The following QSOX2 variants were observed in gnomAD, a reference collection of about 807,000 sequenced individuals.
QSOX2 encodes the protein sulfhydryl oxidase 2.
QSOX2 carries 46 observed loss-of-function variants against 61.7 expected under a neutral mutation model. The observed-to-expected ratio is 0.75, with a 90% CI of 0.59 to 0.95. The LOEUF is 0.95. QSOX2 is among the 40% of genes least tolerant of loss of function. The pLI, the probability that QSOX2 is intolerant of heterozygous loss-of-function variation, is 0.00. For missense variants in QSOX2, 879 were observed against 918.9 expected, an observed-to-expected ratio of 0.96 and a Z score of 0.56; for synonymous variants, 383 against 388.4, an observed-to-expected ratio of 0.99 and a Z score of 0.16.
intron 8 of QSOX2, among the ~76,000 whole-genome samples, chr9:136,217,657 G>T (rs1320613606): frequency 6.6e-6 from 1 of 152,258 alleles, no homozygotes; most frequent in Non-Finnish European, 1.5e-5. Flanking sequence ...AGCCTAACTA[G>T]ACTAAGGGGA....
At chr9:136,226,748 C>T (rs748525279) in intron 2 of QSOX2, 26 bp downstream of exon 2, 37 of 1,581,218 alleles carry the variant, frequency 2.3e-5, no homozygotes, top group African/African-American at 1.1e-4. Flanking sequence ...TGAATTTCAA[C>T]GGACAAGCAG....
Position 136,220,751 on chromosome 9 carries a change from C to T in QSOX2, c.821+1045G>A, listed in dbSNP as rs181197691. Among the ~76,000 whole-genome samples, 23 of 152,242 alleles carry T rather than the reference C, an allele frequency of 1.5e-4. 1 individual carries two copies. The highest frequency in any genetic ancestry group is 1.4e-3 in the East Asian group (7 of 5,178). Reference sequence around the variant, plus strand: ...TTTGAGATGGAGTCTGACTCTGTCGCCCAGGCTGGAGTGCGGTGACAGGAT... The same window carrying T: ...TTTGAGATGGAGTCTGACTCTGTCGTCCAGGCTGGAGTGCGGTGACAGGAT... On this transcript the variant is annotated intron_variant, in intron 6 of 11. Coordinates refer to ENST00000358701, the MANE Select transcript of QSOX2 (RefSeq NM_181701.4).
In QSOX2 at chr9:136,209,446, C is replaced by T. The variant is rs911102593; in HGVS notation, c.1550-171G>A. 23 of 985,426 alleles carry T rather than the reference C, an allele frequency of 2.3e-5. No individual in the cohort carries two copies. Among genetic ancestry groups the T allele is most frequent in the Admixed American group, 1.2e-4 (2 of 16,294 alleles). The allele number at this position is 985,426 out of a possible 1,614,324, so 61.0% of individuals were successfully genotyped here. A position where few individuals can be genotyped will look rare whatever the true frequency, so the allele number is the denominator to read the frequency against. On this transcript the variant is annotated intron_variant, in intron 11 of 11. Transcript: ENST00000358701. The surrounding 1 kb of genome is among the most constrained non-coding windows in gnomAD (Gnocchi z 5.6). ...TTCCCACCACCCGTCCCTTGCAGTTCGGCCCAGATAACATCCTGCTTCTGC... is the reference window on the plus strand; with the variant it reads ...TTCCCACCACCCGTCCCTTGCAGTTTGGCCCAGATAACATCCTGCTTCTGC...
chr9:136,212,377 C>T (rs971875305), intron 10 of QSOX2, among the ~76,000 whole-genome samples: 1 of 152,252 alleles, frequency 6.6e-6, no homozygotes, highest in African/African-American at 2.4e-5. Flanking sequence ...CCGTCTTCAT[C>T]GACAGCAGGC....
At chr9:136,229,836 C>T (rs1228888841) in intron 1 of QSOX2, among the ~76,000 whole-genome samples, 2 of 152,220 alleles carry the variant, frequency 1.3e-5, no homozygotes, top group African/African-American at 4.8e-5. Flanking sequence ...GGCCACCTCT[C>T]CTGCATGTTT....
rs1462864312 is a variant in QSOX2, at chr9:136,223,076, G to A, written c.675+687C>T. ...CCCAAGTGCGTCTCCAAAAGCCCTC[G>A]CAGGGGCAAAGCTGTTTCCTACATT... On this transcript the variant is annotated intron_variant, in intron 5 of 11. Coordinates refer to ENST00000358701, the MANE Select transcript of QSOX2 (RefSeq NM_181701.4). This position sits in a 1 kb window ranked among gnomAD's most constrained non-coding sequence, Gnocchi z 4.4. Among the ~76,000 whole-genome samples, 2 of 152,198 alleles carry A rather than the reference G, an allele frequency of 1.3e-5. No individual in the cohort carries two copies. The highest frequency in any genetic ancestry group is 2.9e-5 in the Non-Finnish European group (2 of 68,022).
chr9:136,231,195 G>T (rs146289120), intron 1 of QSOX2, among the ~76,000 whole-genome samples: 1 of 152,188 alleles, frequency 6.6e-6, no homozygotes, highest in Admixed American at 6.5e-5. Context: ...TCCAAAGTCC[G>T]TCAGGTCCGC....
chr9:136,234,734 A>G (rs953820054), intron 1 of QSOX2, among the ~76,000 whole-genome samples: 5 of 138,940 alleles, frequency 3.6e-5, no homozygotes, highest in African/African-American at 1.5e-4. Flanking sequence ...GCTTGGGAGC[A>G]AGGCTGGTCT....
In QSOX2 at chr9:136,216,725, G is replaced by GC. The variant is rs1564290668; in HGVS notation, c.1087-4dup. 27 of 1,613,156 alleles carry GC rather than the reference G, an allele frequency of 1.7e-5. No homozygotes were observed. The highest frequency in any genetic ancestry group is 2.3e-5 in the Non-Finnish European group (27 of 1,179,830). On this transcript the variant is annotated splice_region_variant and splice_polypyrimidine_tract_variant and intron_variant, in intron 8 of 11. Coordinates refer to ENST00000358701, the MANE Select transcript of QSOX2 (RefSeq NM_181701.4). Reference sequence around the variant, plus strand: ...ACTGGCGGCCGTCCAGGGAACAGCTGCATGAGGAAGGAGCCACCTGAGAGC... The same window carrying GC: ...ACTGGCGGCCGTCCAGGGAACAGCTGCCATGAGGAAGGAGCCACCTGAGAGC...
rs531632930 is a variant in QSOX2, at chr9:136,222,428, C to T, written c.676-487G>A. Among the ~76,000 whole-genome samples, 2 of 152,330 alleles carry T rather than the reference C, an allele frequency of 1.3e-5. No homozygotes were observed. The highest frequency in any genetic ancestry group is 6.5e-5 in the Admixed American group (1 of 15,296). On this transcript the variant is annotated intron_variant, in intron 5 of 11. Transcript: ENST00000358701. The surrounding 1 kb of genome is among the most constrained non-coding windows in gnomAD (Gnocchi z 6.9). The stretch of plus-strand genomic sequence containing the variant: ...CAGGGTCTCCGTGGCAGAGAGACCA[C>T]AGGAGTGGCATCTCAGGATTTTGGA...
chr9:136,209,804 C>A lies in QSOX2; in HGVS notation c.1550-529G>T, dbSNP rs1471320271. 1.0e-6 allele frequency: 1 copy of A among 985,210 alleles called. No individual in the cohort carries two copies. The highest frequency in any genetic ancestry group is 1.7e-5 in the African/African-American group (1 of 57,242). The allele number at this position is 985,210 out of a possible 1,614,324, so 61.0% of individuals were successfully genotyped here. ...GAGGGGCAGCAATGAATTTCCACTG[C>A]ACTTCAGGTACACTGGCCCTTTCCG... On this transcript the variant is annotated intron_variant, in intron 11 of 11. Coordinates refer to ENST00000358701, the MANE Select transcript of QSOX2 (RefSeq NM_181701.4). The surrounding 1 kb of genome is among the most constrained non-coding windows in gnomAD (Gnocchi z 5.6).
intron 1 of QSOX2, among the ~76,000 whole-genome samples, chr9:136,241,461 G>C (rs961461075): frequency 6.6e-6 from 1 of 152,182 alleles, no homozygotes. Flanking sequence ...CAAGAAACCA[G>C]ACCAAGTGGG....
intron 1 of QSOX2, among the ~76,000 whole-genome samples, chr9:136,241,734 T>C (rs1830434989): frequency 6.6e-6 from 1 of 152,194 alleles, no homozygotes; most frequent in Non-Finnish European, 1.5e-5. Flanking sequence ...CTCGGCCTGT[T>C]CCACGCAACC....
chr9:136,217,859 G>C (rs962559240), intron 8 of QSOX2, among the ~76,000 whole-genome samples: 1 of 152,232 alleles, frequency 6.6e-6, no homozygotes, highest in Non-Finnish European at 1.5e-5. Flanking sequence ...ATGGCACCGT[G>C]GGGGAAAAAG....
chr9:136,228,284 G>A lies in QSOX2; in HGVS notation c.329-1410C>T, dbSNP rs568742688. Among the ~76,000 whole-genome samples, 313 of 152,306 alleles carry A rather than the reference G, an allele frequency of 2.1e-3. 1 individual carries two copies. The highest frequency in any genetic ancestry group is 7.3e-3 in the African/African-American group (303 of 41,558). ...ATCTCTCACCGTTTGCTCATGATGA[G>A]CTGGGACAATTCTGTAAAGAGAGAC... On this transcript the variant is annotated intron_variant, in intron 1 of 11. Transcript: ENST00000358701.
chr9:136,224,808 G>C (rs1350775716), intron 3 of QSOX2, 53 bp downstream of exon 3: 6 of 1,302,130 alleles, frequency 4.6e-6, no homozygotes, highest in Non-Finnish European at 6.5e-6. Flanking sequence ...TGTGTCTTTA[G>C]CAGGTTTATG....
At position 136,221,138 on chromosome 9, in the gene QSOX2, C is replaced by T. The variant is rs773208572; in HGVS notation, c.821+658G>A. Among the ~76,000 whole-genome samples, 5 of 151,410 alleles carry T rather than the reference C, an allele frequency of 3.3e-5. No homozygotes were observed. Among genetic ancestry groups the T allele is most frequent in the Non-Finnish European group, 7.4e-5 (5 of 67,906 alleles). On this transcript the variant is annotated intron_variant, in intron 6 of 11. Coordinates refer to ENST00000358701, the MANE Select transcript of QSOX2 (RefSeq NM_181701.4). The surrounding 1 kb of genome is among the most constrained non-coding windows in gnomAD (Gnocchi z 4.5). ...CTTATCCTCATGAGGGGCACACAGG[C>T]ACTCCACGCAGGGGCGAAGGGCTTA...
chr9:136,209,790 A>G lies in QSOX2; in HGVS notation c.1550-515T>C. On this transcript the variant is annotated intron_variant, in intron 11 of 11. Transcript: ENST00000358701. The surrounding 1 kb of genome is among the most constrained non-coding windows in gnomAD (Gnocchi z 5.6). ...TTCAGGAAAGGGCAGAGGGGCAGCA[A>G]TGAATTTCCACTGCACTTCAGGTAC... 1.0e-6 allele frequency: 1 copy of G among 985,190 alleles called. No homozygotes were observed. Among genetic ancestry groups the G allele is most frequent in the South Asian group, 4.7e-5 (1 of 21,286 alleles). 61.0% of individuals were successfully genotyped at this position (985,190 alleles called of 1,614,324 possible).
Position 136,208,567 on chromosome 9 carries a change from C to G in QSOX2, c.*161G>C. 2 of 740,300 alleles carry G rather than the reference C, an allele frequency of 2.7e-6. No homozygotes were observed. Among genetic ancestry groups the G allele is most frequent in the Non-Finnish European group, 4.2e-6 (2 of 480,934 alleles). 45.9% of individuals were successfully genotyped at this position (740,300 alleles called of 1,614,324 possible). A position where few individuals can be genotyped will look rare whatever the true frequency, so the allele number is the denominator to read the frequency against. ...CCGTGTTCTTCCCTTGTTAGAAGAG[C>G]GTTTGTAAAACCAGGACTTTGAAGC... On this transcript the variant is annotated 3_prime_UTR_variant, in exon 12 of 12. Transcript: ENST00000358701.
Sources: allele counts gnomAD v4.1 joint callset (sites outside exome capture counted in the v4.1 genomes callset), GRCh38; gene constraint gnomAD v4.1.1; non-coding constraint Gnocchi (gnomAD v3.1); transcripts MANE v1.5; gene names NCBI Gene and HGNC (gene_info 2026-07-23, HGNC 2026-07-21).